The following POGZ variants were observed in gnomAD, a reference collection of about 807,000 sequenced individuals.
POGZ encodes pogo transposable element derived with ZNF domain.
Under a neutral mutation model 134.6 loss-of-function variants are expected in POGZ, and 17 were observed. The ratio of observed to expected loss-of-function variants is 0.13; its 90% CI spans 0.09 to 0.19. POGZ has a LOEUF of 0.19. Ranked by LOEUF, POGZ falls within the 10% of genes least tolerant of loss-of-function variation. The pLI, the probability that POGZ is intolerant of heterozygous loss-of-function variation, is 1.00. For synonymous variants in POGZ, 693 were observed against 657.1 expected, an observed-to-expected ratio of 1.05 and a Z score of -0.84; for missense variants, 1,306 against 1,769.7, an observed-to-expected ratio of 0.74 and a Z score of 4.70.
chr1:151,424,009 G>A lies in POGZ; in HGVS notation c.1463C>T (p.Pro488Leu), dbSNP rs1417133189. 4 of 1,614,194 alleles carry A rather than the reference G, an allele frequency of 2.5e-6. No individual in the cohort carries two copies. Among genetic ancestry groups the A allele is most frequent in the East Asian group, 2.2e-5 (1 of 44,886 alleles). ...GGKVAQLTNFPKVATSFRCPH... is the reference protein window; with the variant it reads ...GGKVAQLTNFLKVATSFRCPH... ...GCATCGGAAAGATGTGGCGACCTTA[G>A]GGAAATTTGTGAGCTGGGCTACTTT... The change falls in exon 9 of 19, where the codon CCT becomes CTT. Residue 488 changes from proline (P) to leucine (L), a missense_variant. Physicochemically the swap from Pro to Leu is moderately conservative, Grantham distance 98. Transcript: ENST00000271715.
At chr1:151,410,024 G>A (rs1196225757) in intron 12 of POGZ, among the ~76,000 whole-genome samples, 1 of 152,176 alleles carries the variant, frequency 6.6e-6, no homozygotes, top group Non-Finnish European at 1.5e-5. Context: ...GACTATGAGT[G>A]TAATAGGGTA....
rs149634988 is a variant in POGZ, at chr1:151,406,963, G to A, written c.2493C>T (p.Ala831=). 6.2e-7 allele frequency: 1 copy of A among 1,614,068 alleles called. No individual in the cohort carries two copies. Among genetic ancestry groups the A allele is most frequent in the East Asian group, 2.2e-5 (1 of 44,890 alleles). The change falls in exon 17 of 19, where the codon GCC becomes GCT. Residue 831 remains alanine (A), a synonymous_variant. Transcript: ENST00000271715. ...GAGAGGGGTTGAATACCAAATGCTT[G>A]GCCATAGCATCGCCCACAGAGGTAA... The part of the protein sequence containing the change: ...TFVTSVGDAM[A]KHLVFNPSHR...
chr1:151,404,877 CTGG>C lies in POGZ; in HGVS notation c.4155_4157del (p.His1385del). 1.2e-6 allele frequency: 2 copies of C among 1,614,128 alleles called. No homozygotes were observed. The highest frequency in any genetic ancestry group is 1.7e-6 in the Non-Finnish European group (2 of 1,180,000). The stretch of plus-strand genomic sequence containing the variant: ...CGGTCTCACTTTCACCCTCAAAGAG[CTGG>C]TGAAGACTTTCAGGCTCAATTGTCT... On this transcript the variant is annotated inframe_deletion, in exon 19 of 19. Coordinates refer to ENST00000271715, the MANE Select transcript of POGZ (RefSeq NM_015100.4).
chr1:151,440,586 A>G (rs1286210799), intron 3 of POGZ, among the ~76,000 whole-genome samples: 2 of 152,200 alleles, frequency 1.3e-5, no homozygotes, highest in African/African-American at 2.4e-5. Flanking sequence ...TTCTTACCAA[A>G]CTAATGGAAT....
chr1:151,405,813 A>G lies in POGZ; in HGVS notation c.3222T>C (p.Arg1074=). The G allele has an allele frequency of 1.2e-6, 2 of 1,614,140 alleles. No homozygotes were observed. The highest frequency in any genetic ancestry group is 1.7e-6 in the Non-Finnish European group (2 of 1,180,018). The change falls in exon 19 of 19, where the codon CGT becomes CGC. Residue 1074 remains arginine, a synonymous_variant. Coordinates refer to ENST00000271715, the MANE Select transcript of POGZ (RefSeq NM_015100.4). The surrounding 1 kb of genome is among the most constrained non-coding windows in gnomAD (Gnocchi z 4.9). The part of the protein sequence containing the change: ...GFKISYEWAV[R]FMLRHHLTPH... ...GAGTCAGGTGGTGCCGCAGCATGAA[A>G]CGCACAGCCCACTCATAGGAGATCT...
At position 151,427,839 on chromosome 1, in the gene POGZ, A is replaced by G. The variant is rs747684909; in HGVS notation, c.1062T>C (p.Pro354=). The change falls in exon 7 of 19, where the codon CCT becomes CCC. Residue 354 remains proline, a synonymous_variant. Transcript: ENST00000271715. ...SAHGSQRTSG[P]ESSMKVTSSI... ...TTATTGTACCTTTCATTGAAGACTC[A>G]GGTCCGCTGGTTCTTTGAGAGCCAT... 1 of 1,611,526 alleles carries G rather than the reference A, an allele frequency of 6.2e-7. No individual in the cohort carries two copies. The highest frequency in any genetic ancestry group is 8.5e-7 in the Non-Finnish European group (1 of 1,177,804).
chr1:151,430,669 C>T lies in POGZ; in HGVS notation c.456G>A (p.Thr152=), dbSNP rs774330992. 36 of 1,603,954 alleles carry T rather than the reference C, an allele frequency of 2.2e-5. No homozygotes were observed. In the Middle Eastern group the frequency reaches 4.9e-4, roughly 22 times the overall value. Residue 152 remains threonine, a synonymous_variant, in exon 4 of 19, where the codon ACG becomes ACA. Transcript: ENST00000271715. ...PVASQPIFIT[T]QGFPVRNVRP... The stretch of plus-strand genomic sequence containing the variant: ...TGGAATTCAGAGTCCTACTCACCTG[C>T]GTAGTGATAAATATTGGTTGTGAGG...
In POGZ at chr1:151,405,575, C is replaced by G. The variant is rs781439025; in HGVS notation, c.3460G>C (p.Glu1154Gln). 1.9e-6 allele frequency: 3 copies of G among 1,614,034 alleles called. No individual in the cohort carries two copies. The African/African-American group carries it at 4.0e-5, about 22-fold the overall frequency. ...GCTAGGACTACATCACACCAAGGTTCCCCTGTGCCCACTGTCTGCAGGGCA... is the reference window on the plus strand; with the variant it reads ...GCTAGGACTACATCACACCAAGGTTGCCCTGTGCCCACTGTCTGCAGGGCA... ...ENALQTVGTGEPWCDVVLAIL... is the reference protein window; with the variant it reads ...ENALQTVGTGQPWCDVVLAIL... Residue 1154 changes from glutamate to glutamine, a missense_variant, in exon 19 of 19, where the codon GAA becomes CAA. This residue lies in a region of POGZ where 161 missense variants were observed against 185.4 expected (regional missense o/e 0.87). Transcript: ENST00000271715. The surrounding 1 kb of genome is among the most constrained non-coding windows in gnomAD (Gnocchi z 4.9).
intron 1 of POGZ, 140 bp downstream of exon 1, chr1:151,459,012 G>GGCCCCCCGCCCCC (rs1408864982): frequency 2.9e-5 from 4 of 139,222 alleles, no homozygotes; most frequent in Non-Finnish European, 6.4e-5. Context: ...GCGCACCGCC[G>GGCCCCCCGCCCCC]GCCCCCCGCC....
chr1:151,455,805 T>C (rs1254977045), intron 1 of POGZ, among the ~76,000 whole-genome samples: 1 of 152,070 alleles, frequency 6.6e-6, no homozygotes, highest in Non-Finnish European at 1.5e-5. Context: ...ATAATGAAAA[T>C]CTAGTCGGAA....
At chr1:151,416,598 G>A (rs1280210311) in intron 10 of POGZ, among the ~76,000 whole-genome samples, 2 of 149,366 alleles carry the variant, frequency 1.3e-5, no homozygotes, top group East Asian at 3.9e-4. Flanking sequence ...AAACAAGTGT[G>A]AATAAAAATG....
chr1:151,436,847 CTT>C (rs966910709), intron 3 of POGZ, among the ~76,000 whole-genome samples: 4 of 152,096 alleles, frequency 2.6e-5, no homozygotes, highest in Admixed American at 6.6e-5. Flanking sequence ...TTTCCATTCT[CTT>C]GGGTATACAG....
chr1:151,449,881 C>T (rs530286153), intron 1 of POGZ, among the ~76,000 whole-genome samples: 1 of 152,198 alleles, frequency 6.6e-6, no homozygotes, highest in South Asian at 2.1e-4. Context: ...TGCGAGACTC[C>T]GTCTCAAAAA....
At chr1:151,445,188 C>G (rs1200518741) in intron 1 of POGZ, among the ~76,000 whole-genome samples, 1 of 151,948 alleles carries the variant, frequency 6.6e-6, no homozygotes, top group Non-Finnish European at 1.5e-5. Flanking sequence ...TGAGTACTGC[C>G]AAGATATCCA....
chr1:151,427,760 CAACA>C, intron 7 of POGZ, 59 bp downstream of exon 7: 1 of 1,070,748 alleles, frequency 9.3e-7, no homozygotes, highest in Non-Finnish European at 1.4e-6. Flanking sequence ...AGCTCTGATA[CAACA>C]AACACTTTAT....
intron 1 of POGZ, among the ~76,000 whole-genome samples, chr1:151,452,324 T>C (rs1260560557): frequency 6.6e-6 from 1 of 151,856 alleles, no homozygotes; most frequent in Non-Finnish European, 1.5e-5. Flanking sequence ...TGAAAGTGAC[T>C]TTCAAGGGGT....
intron 6 of POGZ, 28 bp from the exon 7 acceptor site, chr1:151,428,069 T>C: frequency 1.2e-6 from 2 of 1,613,422 alleles, no homozygotes; most frequent in Non-Finnish European, 1.7e-6. Context: ...TAATCATCTG[T>C]TCTCCACCCA....
Position 151,446,274 on chromosome 1 carries a change from A to AAG in POGZ, c.-1-4070_-1-4069insCT, listed in dbSNP as rs139456031. 6.2e-3 allele frequency among the ~76,000 whole-genome samples: 784 copies of AAG among 126,230 alleles called. 55 individuals carry two copies. The highest frequency in any genetic ancestry group is 0.015 in the Middle Eastern group (3 of 198). The allele number at this position is 126,230 out of a possible 152,430, so 82.8% of individuals were successfully genotyped here. On this transcript the variant is annotated intron_variant, in intron 1 of 18. Coordinates refer to ENST00000271715, the MANE Select transcript of POGZ (RefSeq NM_015100.4). ...ATAAGGAAAAAAAAAAAAAAAAAAA[A>AAG]CGAATTTTATTCCCTCTTCCCTAAT... is the stretch of plus-strand genomic sequence containing the variant.
rs1653242631 is a variant in POGZ, at chr1:151,404,668, A to AG, written c.*133dup. ...CCACAGGGAAGTGTAAGTCAACTTC[A>AG]GGGGGGAGTGGTGGTATAAAATTAA... On this transcript the variant is annotated 3_prime_UTR_variant, in exon 19 of 19. Coordinates refer to ENST00000271715, the MANE Select transcript of POGZ (RefSeq NM_015100.4). The AG allele has an allele frequency of 4.2e-6, 6 of 1,412,742 alleles. No homozygotes were observed. Among genetic ancestry groups the AG allele is most frequent in the Non-Finnish European group, 5.5e-6 (6 of 1,087,234 alleles). 87.5% of individuals were successfully genotyped at this position (1,412,742 alleles called of 1,614,324 possible). A position where few individuals can be genotyped will look rare whatever the true frequency, so the allele number is the denominator to read the frequency against.
Sources: gnomAD v4.1 joint callset for allele counts (sites outside exome capture counted in the v4.1 genomes callset) on GRCh38, gnomAD v4.1.1 for gene constraint, gnomAD v4.1.1 regional missense constraint, Gnocchi (gnomAD v3.1) non-coding constraint, MANE v1.5 for transcripts, NCBI Gene and HGNC (gene_info 2026-07-23, HGNC 2026-07-21) for gene names.